The following SMYD3 variants were observed in gnomAD, a reference collection of about 807,000 sequenced individuals.
SMYD3 encodes histone-lysine N-methyltransferase SMYD3.
SMYD3 carries 36 observed loss-of-function variants against 57.7 expected under a neutral mutation model. The ratio of observed to expected loss-of-function variants is 0.62; its 90% CI spans 0.48 to 0.82. The LOEUF is 0.82. Ranked by LOEUF, SMYD3 falls within the 40% of genes least tolerant of loss-of-function variation. The pLI is 0.00. For synonymous variants in SMYD3, 211 were observed against 195.0 expected (o/e 1.08, Z -0.68); for missense variants, 515 against 538.8 (o/e 0.96, Z 0.44).
chr1:246,074,990 A>C lies in SMYD3; in HGVS notation c.532-145053T>G, dbSNP rs573784030. 3.3e-5 allele frequency among the ~76,000 whole-genome samples: 5 copies of C among 152,210 alleles called. No individual in the cohort carries two copies. The South Asian group carries it at 1.0e-3, about 32-fold the overall frequency. On this transcript the variant is annotated intron_variant, in intron 5 of 11. Transcript: ENST00000490107. ...AAGAGAATCCAGAAACCTATAACAT[A>C]TTAAAAATGTTCTGAATAAAACCCA...
At chr1:246,340,973 G>GT (rs2065624791) in intron 2 of SMYD3, among the ~76,000 whole-genome samples, 1 of 151,888 alleles carries the variant, frequency 6.6e-6, no homozygotes, top group African/African-American at 2.4e-5. Flanking sequence ...GTGTGACAGA[G>GT]TGAGACCCCA....
At chr1:245,813,816 T>C (rs1297961177) in intron 10 of SMYD3, among the ~76,000 whole-genome samples, 1 of 148,986 alleles carries the variant, frequency 6.7e-6, no homozygotes, top group Non-Finnish European at 1.5e-5. Flanking sequence ...CTCAGAATAT[T>C]AAGCACCTAA....
intron 5 of SMYD3, among the ~76,000 whole-genome samples, chr1:246,081,158 G>A (rs1311398179): frequency 2.6e-5 from 4 of 152,142 alleles, no homozygotes; most frequent in Admixed American, 6.5e-5. Flanking sequence ...CCATTGATTC[G>A]CTCTGGGAAG....
chr1:246,485,599 C>T (rs2068173802), intron 1 of SMYD3, among the ~76,000 whole-genome samples: 1 of 112,174 alleles, frequency 8.9e-6, no homozygotes, highest in African/African-American at 4.0e-5. Flanking sequence ...CTGGGCAATA[C>T]AGTGAGACCC....
chr1:245,846,051 T>C (rs1037306955), intron 10 of SMYD3, among the ~76,000 whole-genome samples: 7 of 152,082 alleles, frequency 4.6e-5, no homozygotes, highest in Admixed American at 1.3e-4. Context: ...CTGGAGGGAA[T>C]AGAACTTTTT....
chr1:245,948,409 G>C (rs529997817), intron 5 of SMYD3, among the ~76,000 whole-genome samples: 15 of 152,278 alleles, frequency 9.9e-5, no homozygotes, highest in African/African-American at 3.6e-4. Context: ...TGTGTGGAGA[G>C]AGTAAGTGAG....
intron 5 of SMYD3, among the ~76,000 whole-genome samples, chr1:245,959,074 A>G (rs1216282687): frequency 2.6e-5 from 4 of 152,136 alleles, no homozygotes; most frequent in African/African-American, 9.7e-5. Context: ...TGTCCAGCTA[A>G]TTTTTTGGGT....
chr1:246,186,720 A>G (rs893156192), intron 5 of SMYD3: 16 of 983,730 alleles, frequency 1.6e-5, no homozygotes, highest in East Asian at 1.1e-4. Context: ...ACTTCTCTCA[A>G]AATGATCCCT....
chr1:246,408,606 G>A (rs1050457139), intron 1 of SMYD3, among the ~76,000 whole-genome samples: 3 of 149,734 alleles, frequency 2.0e-5, no homozygotes, highest in African/African-American at 7.4e-5. Flanking sequence ...TGAAATTTAT[G>A]AGTTCTCCAT....
chr1:245,985,800 T>C (rs2058692600), intron 5 of SMYD3, among the ~76,000 whole-genome samples: 1 of 152,200 alleles, frequency 6.6e-6, no homozygotes, highest in Admixed American at 6.5e-5. Context: ...TGGAAAATTA[T>C]TAAAATCCCT....
chr1:246,277,766 A>G (rs1397424605), intron 5 of SMYD3, among the ~76,000 whole-genome samples: 2 of 152,242 alleles, frequency 1.3e-5, no homozygotes, highest in African/African-American at 4.8e-5. Context: ...GAAAAGAGTC[A>G]GACCACAGTC....
intron 10 of SMYD3, among the ~76,000 whole-genome samples, chr1:245,793,140 T>A (rs1476874472): frequency 2.0e-5 from 3 of 147,364 alleles, no homozygotes; most frequent in East Asian, 2.0e-4. Flanking sequence ...AAACCCCGTC[T>A]CTACTAAAAA....
chr1:246,284,420 CTTTT>C (rs11354241), intron 5 of SMYD3, among the ~76,000 whole-genome samples: 1 of 141,412 alleles, frequency 7.1e-6, no homozygotes. Flanking sequence ...TTTTCTTTTT[CTTTT>C]TTTTTTTTTT....
intron 5 of SMYD3, among the ~76,000 whole-genome samples, chr1:246,118,674 T>C (rs964456354): frequency 6.6e-6 from 1 of 152,212 alleles, no homozygotes; most frequent in South Asian, 2.1e-4. Flanking sequence ...CTCCAGGTGA[T>C]GAAAAATGCC....
chr1:246,041,333 A>C (rs1388818919), intron 5 of SMYD3, among the ~76,000 whole-genome samples: 1 of 152,182 alleles, frequency 6.6e-6, no homozygotes, highest in Non-Finnish European at 1.5e-5. Flanking sequence ...TAGAGTCCCC[A>C]CAGAGTGAAA....
intron 5 of SMYD3, among the ~76,000 whole-genome samples, chr1:246,240,012 T>G (rs2063580191): frequency 6.6e-6 from 1 of 152,212 alleles, no homozygotes; most frequent in African/African-American, 2.4e-5. Flanking sequence ...ATGAGTAGAT[T>G]GTAAAAATTT....
intron 1 of SMYD3, among the ~76,000 whole-genome samples, chr1:246,492,724 T>G (rs899756738): frequency 2.6e-5 from 4 of 152,212 alleles, no homozygotes; most frequent in African/African-American, 9.7e-5. Context: ...AACAACTACA[T>G]GTACCACTAC....
In SMYD3 at chr1:245,817,302, G is replaced by A. The variant is rs12028860; in HGVS notation, c.1076+41194C>T. ...GCAGGGGCACACTGACACCTCACAT[G>A]GCAGGGTATTCCAACAGCCCTGCAG... On this transcript the variant is annotated intron_variant, in intron 10 of 11. Coordinates refer to ENST00000490107, the MANE Select transcript of SMYD3 (RefSeq NM_001167740.2). Among the ~76,000 whole-genome samples, 142 of 143,290 alleles carry A rather than the reference G, an allele frequency of 9.9e-4. 3 individuals are homozygous for A. The highest frequency in any genetic ancestry group is 5.6e-3 in the East Asian group (27 of 4,808). 94.0% of individuals were successfully genotyped at this position (143,290 alleles called of 152,430 possible). A position where few individuals can be genotyped will look rare whatever the true frequency, so the allele number is the denominator to read the frequency against.
At chr1:245,849,971 CAG>C (rs67985751) in intron 10 of SMYD3, among the ~76,000 whole-genome samples, 115,968 of 151,820 alleles carry the variant, frequency 0.76, 46,742 homozygotes, top group Non-Finnish European at 0.9. Context: ...GTCTTGATGA[CAG>C]AGAGAAAAGG....
Sources: gnomAD v4.1 joint callset for allele counts (sites outside exome capture counted in the v4.1 genomes callset) on GRCh38, gnomAD v4.1.1 for gene constraint, MANE v1.5 for transcripts, NCBI Gene and HGNC (gene_info 2026-07-23, HGNC 2026-07-21) for gene names.